The following FRMD7 variants were observed in gnomAD, a reference collection of about 807,000 sequenced individuals.
FRMD7 encodes FERM domain containing 7.
A neutral mutation model predicts 44.1 loss-of-function variants in FRMD7; 14 were observed. That is an observed-to-expected ratio of 0.32 (90% CI 0.21 to 0.50). The LOEUF (loss-of-function observed/expected upper bound fraction) is 0.50, where lower values mean the gene tolerates loss of function less well. Ranked by LOEUF, FRMD7 falls within the 20% of genes least tolerant of loss-of-function variation. FRMD7 has a pLI of 0.99. For missense variants in FRMD7, 501 were observed against 522.3 expected, an observed-to-expected ratio of 0.96 and a Z score of 0.40; for synonymous variants, 212 against 187.4, an observed-to-expected ratio of 1.13 and a Z score of -1.07.
At chrX:132,080,472 AGGCCTCT>A (rs1927772095) in intron 9 of FRMD7, among the ~76,000 whole-genome samples, 1 of 112,228 alleles carries the variant, frequency 8.9e-6, no homozygotes, top group Non-Finnish European at 1.9e-5. Context: ...TAATTTTTAA[AGGCCTCT>A]GAACAGGGTT....
chrX:132,097,238 T>C, intron 4 of FRMD7, 28 bp downstream of exon 4: 1 of 983,207 alleles, frequency 1.0e-6, no homozygotes, highest in Non-Finnish European at 1.5e-6. Context: ...AGTAACATCA[T>C]GCAGAGACAC....
intron 3 of FRMD7, among the ~76,000 whole-genome samples, chrX:132,099,030 T>C (rs1928422514): frequency 9.0e-6 from 1 of 111,679 alleles, no homozygotes; most frequent in African/African-American, 3.3e-5. Context: ...CACACTAGAT[T>C]GTAAAATATA....
In FRMD7 at chrX:132,082,395, T is replaced by G. The variant is rs768522038; in HGVS notation, c.873A>C (p.Leu291=). The G allele has an allele frequency of 8.3e-7, 1 of 1,209,933 alleles. No homozygotes were observed. The change falls in exon 9 of 12, where the codon CTA becomes CTC. Residue 291 remains leucine (L), a synonymous_variant. Coordinates refer to ENST00000298542, the MANE Select transcript of FRMD7 (RefSeq NM_194277.3). ...GGAAACTGGAACCCTTGCTGCAGAG[T>G]AGGGTTTTGGGCTTTGATTTGGGCT... ...SEEPKSKPKT[L]LCSKGSSFRY... is the part of the protein sequence containing the mutation.
chrX:132,088,326 G>A (rs1385906554), intron 5 of FRMD7, among the ~76,000 whole-genome samples: 2 of 112,224 alleles, frequency 1.8e-5, no homozygotes, highest in Non-Finnish European at 3.8e-5. Flanking sequence ...AAGGCAGGAG[G>A]ATTGCTTGAG....
intron 1 of FRMD7, among the ~76,000 whole-genome samples, chrX:132,112,773 A>G (rs1009977152): frequency 2.7e-5 from 3 of 111,235 alleles, no homozygotes; most frequent in Non-Finnish European, 5.7e-5. Context: ...CAAGCTAGGA[A>G]GAGAACTCTG....
intron 9 of FRMD7, among the ~76,000 whole-genome samples, chrX:132,081,544 A>G (rs1927814335): frequency 8.9e-6 from 1 of 112,646 alleles, no homozygotes; most frequent in Non-Finnish European, 1.9e-5. Context: ...TATGCTCAGT[A>G]TCATCTATTT....
intron 5 of FRMD7, among the ~76,000 whole-genome samples, chrX:132,088,396 T>C (rs181702123): frequency 9.0e-4 from 99 of 110,536 alleles, no homozygotes; most frequent in Admixed American, 3.8e-4. Flanking sequence ...CCAAAAAATG[T>C]AAAAATTAGC....
intron 5 of FRMD7, among the ~76,000 whole-genome samples, chrX:132,093,241 A>G (rs375747737): frequency 8.9e-6 from 1 of 112,416 alleles, no homozygotes; most frequent in Non-Finnish European, 1.9e-5. Flanking sequence ...ACTATCAGAA[A>G]GGTAAGGTAC....
In FRMD7 at chrX:132,077,635, T is replaced by G; in HGVS notation, c.*237A>C. ...GGAGATGACAAATACCCACCTTGCC[T>G]TGCCACAGTGCTGGTGAGGAGAGGG... On this transcript the variant is annotated 3_prime_UTR_variant, in exon 12 of 12. Coordinates refer to ENST00000298542, the MANE Select transcript of FRMD7 (RefSeq NM_194277.3). 1 of 422,466 alleles carries G rather than the reference T, an allele frequency of 2.4e-6. No homozygotes were observed. The highest frequency in any genetic ancestry group is 4.1e-5 in the East Asian group (1 of 24,476). The allele number at this position is 422,466 out of a possible 1,213,427, so 34.8% of individuals were successfully genotyped here. A position where few individuals can be genotyped will look rare whatever the true frequency, so the allele number is the denominator to read the frequency against.
rs1197043428 is a variant in FRMD7, at chrX:132,085,590, C to T, written c.636G>A (p.Leu212=). 8.3e-7 allele frequency: 1 copy of T among 1,210,851 alleles called. No homozygotes were observed. The highest frequency in any genetic ancestry group is 1.1e-6 in the Non-Finnish European group (1 of 894,794). Residue 212 remains leucine, a synonymous_variant, in exon 7 of 12, where the codon CTG becomes CTA. Coordinates refer to ENST00000298542, the MANE Select transcript of FRMD7 (RefSeq NM_194277.3). The stretch of plus-strand genomic sequence containing the variant: ...AGGAAAGAGATTTTACCCGTAACAC[C>T]AGTACTCCCATGTGAGCAACAGCCA... ...IHLAVAHMGV[L]VLRGNTKINT... is the part of the protein sequence containing the mutation.
At chrX:132,085,797 A>G (rs749398629) in intron 6 of FRMD7, 69 bp from the exon 7 acceptor site, 57 of 1,094,666 alleles carry the variant, frequency 5.2e-5, no homozygotes, top group Non-Finnish European at 6.8e-5. Flanking sequence ...TGAGAGCTCC[A>G]TGAGGATCTC....
chrX:132,092,354 A>T (rs1928203808), intron 5 of FRMD7, among the ~76,000 whole-genome samples: 1 of 111,743 alleles, frequency 8.9e-6, no homozygotes, highest in African/African-American at 3.3e-5. Context: ...TGAATGGAAA[A>T]TTAGACAAAT....
chrX:132,120,472 A>C lies in FRMD7; in HGVS notation c.57+7316T>G, dbSNP rs761736543. Among the ~76,000 whole-genome samples, 3 of 113,020 alleles carry C rather than the reference A, an allele frequency of 2.7e-5. No individual in the cohort carries two copies. In the East Asian group the frequency reaches 8.5e-4, roughly 32 times the overall value. ...ACTGAAATTTTCCACAGAGATTCCC[A>C]CGAGTGCAGACTTGAACAAACAGCC... is the stretch of plus-strand genomic sequence containing the variant. On this transcript the variant is annotated intron_variant, in intron 1 of 11. Coordinates refer to ENST00000298542, the MANE Select transcript of FRMD7 (RefSeq NM_194277.3).
chrX:132,111,754 C>T (rs1178170211), intron 1 of FRMD7, among the ~76,000 whole-genome samples: 1 of 112,008 alleles, frequency 8.9e-6, no homozygotes. Context: ...GGAGATAGTT[C>T]TGCATTTTGA....
intron 1 of FRMD7, among the ~76,000 whole-genome samples, chrX:132,116,408 G>A (rs746409476): frequency 9.0e-6 from 1 of 111,603 alleles, no homozygotes; most frequent in Non-Finnish European, 1.9e-5. Flanking sequence ...TCTCTGAACC[G>A]TTTCCATTTT....
At chrX:132,104,436 T>C (rs2124258789) in intron 1 of FRMD7, among the ~76,000 whole-genome samples, 1 of 111,892 alleles carries the variant, frequency 8.9e-6, no homozygotes, top group South Asian at 3.7e-4. Context: ...CTTATGCCTG[T>C]AATCCTAGCA....
intron 4 of FRMD7, among the ~76,000 whole-genome samples, chrX:132,096,107 C>CAT (rs1928325469): frequency 9.0e-6 from 1 of 111,238 alleles, no homozygotes; most frequent in Admixed American, 9.6e-5. Context: ...AACGCAAATA[C>CAT]ATATATATAC....
At chrX:132,093,922 A>G (rs1928253198) in intron 5 of FRMD7, 120 bp downstream of exon 5, 1 of 543,623 alleles carries the variant, frequency 1.8e-6, no homozygotes, top group Non-Finnish European at 3.3e-6. Context: ...TATCTTATCC[A>G]GGCTTTCTCT....
intron 3 of FRMD7, among the ~76,000 whole-genome samples, chrX:132,098,653 A>G (rs1928411684): frequency 9.3e-6 from 1 of 107,192 alleles, no homozygotes; most frequent in South Asian, 4.3e-4. Flanking sequence ...GTCCTGATAG[A>G]AATCCGCCTG....
Sources: allele counts gnomAD v4.1 joint callset (sites outside exome capture counted in the v4.1 genomes callset), GRCh38; gene constraint gnomAD v4.1.1; transcripts MANE v1.5; gene names NCBI Gene and HGNC (gene_info 2026-07-23, HGNC 2026-07-21).